ATXN10: variants seen among roughly 807,000 people sequenced by gnomAD.
ATXN10 encodes the protein ataxin-10.
In ATXN10, 28 loss-of-function variants were observed where a neutral mutation model predicts 52.9. That is an observed-to-expected ratio of 0.53 (90% CI 0.39 to 0.73). The LOEUF (loss-of-function observed/expected upper bound fraction) is 0.73, where lower values mean the gene tolerates loss of function less well. Ranked by LOEUF, ATXN10 falls within the 30% of genes least tolerant of loss-of-function variation. ATXN10 has a pLI of 0.00. For missense variants in ATXN10, 565 were observed against 577.0 expected (o/e 0.98, Z 0.21); for synonymous variants, 226 against 221.5 (o/e 1.02, Z -0.18).
chr22:45,786,104 C>T lies in ATXN10; in HGVS notation c.1174-20855C>T, dbSNP rs1824958093. Among the ~76,000 whole-genome samples, 1 of 152,094 alleles carries T rather than the reference C, an allele frequency of 6.6e-6. No homozygotes were observed. The highest frequency in any genetic ancestry group is 6.5e-5 in the Admixed American group (1 of 15,274). ...AGTTGAATAATTCATGAGAAAATTG[C>T]ACTAAATTCAGATGTGAATGTTTGC... On this transcript the variant is annotated intron_variant, in intron 9 of 11. Coordinates refer to ENST00000252934, the MANE Select transcript of ATXN10 (RefSeq NM_013236.4). This position sits in a 1 kb window ranked among gnomAD's most constrained non-coding sequence, Gnocchi z 4.1.
At chr22:45,778,677 T>A (rs76786268) in intron 9 of ATXN10, among the ~76,000 whole-genome samples, 4 of 152,204 alleles carry the variant, frequency 2.6e-5, no homozygotes, top group Non-Finnish European at 5.9e-5. Context: ...GAAATTAGGA[T>A]TCTCCATTAA....
Position 45,671,835 on chromosome 22 carries a change from C to T in ATXN10, c.-229C>T. On this transcript the variant is annotated 5_prime_UTR_variant, in exon 1 of 12. Coordinates refer to ENST00000252934, the MANE Select transcript of ATXN10 (RefSeq NM_013236.4). ...CGCCGGCGCCCCCTCCCCCGCGGCG[C>T]CGTCTCCTCCTCCCGCCTGAGGCGA... The T allele has an allele frequency of 2.7e-6, 1 of 363,908 alleles. No homozygotes were observed. Among genetic ancestry groups the T allele is most frequent in the Non-Finnish European group, 4.9e-6 (1 of 203,470 alleles). 22.5% of individuals were successfully genotyped at this position (363,908 alleles called of 1,614,324 possible).
chr22:45,751,763 A>AAAATAAT, intron 9 of ATXN10, among the ~76,000 whole-genome samples: 5 of 66,628 alleles, frequency 7.5e-5, no homozygotes, highest in Admixed American at 1.5e-4. Flanking sequence ...AATAAAAAAA[A>AAAATAAT]AATAATAATA....
rs1301702593 is a variant in ATXN10 at position 45,787,156 on chromosome 22, TTAAGTA to T, written c.1174-19795_1174-19790del. 6.6e-5 allele frequency among the ~76,000 whole-genome samples: 10 copies of T among 152,166 alleles called. No homozygotes were observed. Among genetic ancestry groups the T allele is most frequent in the African/African-American group, 2.2e-4 (9 of 41,436 alleles). On this transcript the variant is annotated intron_variant, in intron 9 of 11. Transcript: ENST00000252934. This position sits in a 1 kb window ranked among gnomAD's most constrained non-coding sequence, Gnocchi z 4.2. ...AAGATGATCTTCATTTTTTAACAAA[TTAAGTA>T]TAAGTATTTAATATATGTGCATTGA...
chr22:45,738,392 T>A, intron 7 of ATXN10: 2 of 209,988 alleles, frequency 9.5e-6, no homozygotes, highest in Admixed American at 1.1e-4. Context: ...TTTGCATAAA[T>A]GTCATGTACA....
intron 10 of ATXN10, among the ~76,000 whole-genome samples, chr22:45,812,612 C>A (rs1928319809): frequency 6.6e-6 from 1 of 152,114 alleles, no homozygotes; most frequent in Non-Finnish European, 1.5e-5. Context: ...TAATTAGCAC[C>A]ATCCAAGTTT....
rs879923678 is a variant in ATXN10, at chr22:45,795,408, C to G, written c.1174-11551C>G. On this transcript the variant is annotated intron_variant, in intron 9 of 11. Coordinates refer to ENST00000252934, the MANE Select transcript of ATXN10 (RefSeq NM_013236.4). This position sits in a 1 kb window ranked among gnomAD's most constrained non-coding sequence, Gnocchi z 4.6. The stretch of plus-strand genomic sequence containing the variant: ...CTATTCTATTCTATTCTATTCTATT[C>G]TATTCTATTCTATTCTTTTTGAGAT... Among the ~76,000 whole-genome samples, 538 of 149,096 alleles carry G rather than the reference C, an allele frequency of 3.6e-3. 4 individuals carry two copies. The highest frequency in any genetic ancestry group is 6.5e-3 in the Non-Finnish European group (438 of 67,510).
rs1790599382 is a variant in ATXN10, at chr22:45,769,923, T to A, written c.1173+29385T>A. Among the ~76,000 whole-genome samples the A allele has an allele frequency of 6.6e-6, 1 of 152,260 alleles. No homozygotes were observed. The highest frequency in any genetic ancestry group is 1.5e-5 in the Non-Finnish European group (1 of 68,042). On this transcript the variant is annotated intron_variant, in intron 9 of 11. Transcript: ENST00000252934. This position sits in a 1 kb window ranked among gnomAD's most constrained non-coding sequence, Gnocchi z 4.2. ...ACATGTTGGTTGAATAAAAATTAAA[T>A]GTTACCACAAGTATTTTGTCACTCT... is the stretch of plus-strand genomic sequence containing the variant.
At chr22:45,753,887 GGGGTCCCATCCTAGAC>G (rs1223276841) in intron 9 of ATXN10, among the ~76,000 whole-genome samples, 1 of 152,074 alleles carries the variant, frequency 6.6e-6, no homozygotes, top group South Asian at 2.1e-4. Context: ...AGCCTGTGAT[GGGGTCCCATCCTAGAC>G]TAGAGTTTTT....
intron 10 of ATXN10, among the ~76,000 whole-genome samples, chr22:45,813,333 G>GT (rs1178229669): frequency 0.035 from 4,700 of 135,464 alleles, 266 homozygotes; most frequent in African/African-American, 0.12. Flanking sequence ...ATGTGGGTTT[G>GT]TTTTTTTTTT....
rs1277478093 is a variant in ATXN10, at chr22:45,843,504, GT to G, written c.1426-162del. 6.6e-6 allele frequency among the ~76,000 whole-genome samples: 1 copy of G among 152,190 alleles called. No individual in the cohort carries two copies. The highest frequency in any genetic ancestry group is 2.4e-5 in the African/African-American group (1 of 41,460). On this transcript the variant is annotated intron_variant, in intron 11 of 11. Coordinates refer to ENST00000252934, the MANE Select transcript of ATXN10 (RefSeq NM_013236.4). This position sits in a 1 kb window ranked among gnomAD's most constrained non-coding sequence, Gnocchi z 4.5. ...TAAAAGATAGTTAATGTTCACTATAGTTTAAAAAACAGAACTCCTTGAATAA... is the reference window on the plus strand; with the variant it reads ...TAAAAGATAGTTAATGTTCACTATAGTTAAAAAACAGAACTCCTTGAATAA...
intron 10 of ATXN10, among the ~76,000 whole-genome samples, chr22:45,811,540 A>G (rs1928279578): frequency 6.6e-6 from 1 of 152,210 alleles, no homozygotes; most frequent in Admixed American, 6.5e-5. Flanking sequence ...AGGCACCTAC[A>G]GTATTAAGTA....
rs145029951 is a variant in ATXN10, at chr22:45,843,309, C to T, written c.1425+131C>T. 2.2e-5 allele frequency: 23 copies of T among 1,057,610 alleles called. No homozygotes were observed. Among genetic ancestry groups the T allele is most frequent in the Middle Eastern group, 6.0e-4 (2 of 3,338 alleles). 65.5% of individuals were successfully genotyped at this position (1,057,610 alleles called of 1,614,324 possible). On this transcript the variant is annotated intron_variant, in intron 11 of 11. Transcript: ENST00000252934. The surrounding 1 kb of genome is among the most constrained non-coding windows in gnomAD (Gnocchi z 4.5). ...AATTGTGCCCTCTATAGTGGTTTAC[C>T]GAGGAAAGCCCTAAAGATAGCTGCA...
intron 9 of ATXN10, among the ~76,000 whole-genome samples, chr22:45,791,051 GTCTC>G (rs1927491545): frequency 6.6e-6 from 1 of 152,098 alleles, no homozygotes; most frequent in South Asian, 2.1e-4. Flanking sequence ...TTGAGATGGG[GTCTC>G]TCTATGTTGC....
rs563033954 is a variant in ATXN10 at position 45,740,512 on chromosome 22, T to G, written c.1147T>G (p.Tyr383Asp). 6.2e-7 allele frequency: 1 copy of G among 1,613,842 alleles called. No individual in the cohort carries two copies. The highest frequency in any genetic ancestry group is 1.3e-5 in the African/African-American group (1 of 74,978). ...HLIRLIGNLC[Y>D]KNKDNQDKVN... ...CATTCGTCTGATTGGAAATCTGTGT[T>G]ACAAGAATAAAGATAACCAAGACAA... Residue 383 changes from tyrosine (Y) to aspartate (D), a missense_variant, in exon 9 of 12, where the codon TAC (tyrosine) becomes GAC (aspartate). By Grantham distance (160) the Tyr-to-Asp change is radical. Transcript: ENST00000252934.
chr22:45,719,113 A>G (rs528036042), intron 6 of ATXN10, among the ~76,000 whole-genome samples: 1 of 151,896 alleles, frequency 6.6e-6, no homozygotes, highest in African/African-American at 2.4e-5. Context: ...CTTGACCTGT[A>G]AATTAAGGAG....
rs1276250409 is a variant in ATXN10 at position 45,820,643 on chromosome 22, C to T, written c.1237+13621C>T. On this transcript the variant is annotated intron_variant, in intron 10 of 11. Transcript: ENST00000252934. The surrounding 1 kb of genome is among the most constrained non-coding windows in gnomAD (Gnocchi z 4.9). ...AATAAAGCTAACTTTTAGATGTGCTCACCTTTTCAACTCTTACCATTCTTT... is the reference window on the plus strand; with the variant it reads ...AATAAAGCTAACTTTTAGATGTGCTTACCTTTTCAACTCTTACCATTCTTT... Among the ~76,000 whole-genome samples, 1 of 152,200 alleles carries T rather than the reference C, an allele frequency of 6.6e-6. No individual in the cohort carries two copies. The highest frequency in any genetic ancestry group is 2.4e-5 in the African/African-American group (1 of 41,448).
chr22:45,717,887 T>C (rs1001845261), intron 5 of ATXN10, among the ~76,000 whole-genome samples: 1 of 152,186 alleles, frequency 6.6e-6, no homozygotes, highest in African/African-American at 2.4e-5. Context: ...CCTATAATCT[T>C]TGCCTTGGGG....
chr22:45,721,842 G>A (rs1175664101), intron 6 of ATXN10, among the ~76,000 whole-genome samples: 1 of 152,126 alleles, frequency 6.6e-6, no homozygotes, highest in East Asian at 1.9e-4. Context: ...TTTAACTTGG[G>A]AGGTGGAGGT....
Sources: gnomAD v4.1 joint callset for allele counts (sites outside exome capture counted in the v4.1 genomes callset) on GRCh38, gnomAD v4.1.1 for gene constraint, Gnocchi (gnomAD v3.1) non-coding constraint, MANE v1.5 for transcripts, NCBI Gene and HGNC (gene_info 2026-07-23, HGNC 2026-07-21) for gene names.